Variants in KCNC1 observed in about 807,000 individuals in gnomAD.
The protein encoded by KCNC1 is voltage-gated potassium channel KCNC1.
KCNC1 carries 8 observed loss-of-function variants against 43.4 expected under a neutral mutation model. The observed-to-expected ratio is 0.18, with a 90% confidence interval of 0.11 to 0.33. The LOEUF (loss-of-function observed/expected upper bound fraction) is 0.33, where lower values mean the gene tolerates loss of function less well. Ranked by LOEUF, KCNC1 falls within the 10% of genes least tolerant of loss-of-function variation. The pLI is 1.00. For missense variants in KCNC1, 420 were observed against 836.0 expected (o/e 0.50, Z 6.14); for synonymous variants, 361 against 360.5 (o/e 1.00, Z -0.01).
At chr11:17,761,649 T>G (rs1849080078) in intron 1 of KCNC1, among the ~76,000 whole-genome samples, 1 of 152,202 alleles carries the variant, frequency 6.6e-6, no homozygotes, top group African/African-American at 2.4e-5. Flanking sequence ...CCTCCTTTCC[T>G]TCCACCATGT....
Position 17,736,137 on chromosome 11 carries a change from C to A in KCNC1, c.135C>A (p.His45Gln). ...AWLAEPDAHS[H>Q]FDYDPRADEF... The stretch of plus-strand genomic sequence containing the variant: ...TGGCGGAGCCCGACGCCCACAGCCA[C>A]TTCGACTATGACCCGCGTGCTGACG... Residue 45 changes from histidine to glutamine, a missense_variant, in exon 1 of 4, where the codon CAC becomes CAA. His to Gln is a conservative substitution (Grantham distance 24, BLOSUM62 0). Transcript: ENST00000265969. This position sits in a 1 kb window ranked among gnomAD's most constrained non-coding sequence, Gnocchi z 9.3. 6.2e-7 allele frequency: 1 copy of A among 1,612,944 alleles called. No individual in the cohort carries two copies. The highest frequency in any genetic ancestry group is 8.5e-7 in the Non-Finnish European group (1 of 1,179,542).
At chr11:17,748,634 C>T (rs772394370) in intron 1 of KCNC1, among the ~76,000 whole-genome samples, 42 of 152,224 alleles carry the variant, frequency 2.8e-4, no homozygotes, top group Non-Finnish European at 2.9e-4. Flanking sequence ...AAAATCCACC[C>T]CTAAATCATG....
intron 1 of KCNC1, among the ~76,000 whole-genome samples, chr11:17,756,352 C>T (rs537496024): frequency 1.8e-4 from 27 of 152,184 alleles, no homozygotes; most frequent in African/African-American, 5.1e-4. Context: ...TCCTACTCCT[C>T]CCCCAAGAAG....
intron 1 of KCNC1, among the ~76,000 whole-genome samples, chr11:17,768,088 G>A (rs565580766): frequency 1.3e-5 from 2 of 152,244 alleles, no homozygotes; most frequent in Non-Finnish European, 2.9e-5. Context: ...GCCTCCCCAT[G>A]CACTAAAGAG....
At chr11:17,774,642 GC>G in intron 2 of KCNC1, 1 of 985,550 alleles carries the variant, frequency 1.0e-6, no homozygotes, top group Non-Finnish European at 1.2e-6. Context: ...TCTCTCCCCA[GC>G]CCTGCTTTTG....
chr11:17,776,966 T>A lies in KCNC1; in HGVS notation c.1505-2490T>A, dbSNP rs1466997107. The A allele has an allele frequency of 2.0e-6, 2 of 985,234 alleles. No homozygotes were observed. Among genetic ancestry groups the A allele is most frequent in the Non-Finnish European group, 2.4e-6 (2 of 829,972 alleles). The allele number at this position is 985,234 out of a possible 1,614,324, so 61.0% of individuals were successfully genotyped here. A position where few individuals can be genotyped will look rare whatever the true frequency, so the allele number is the denominator to read the frequency against. On this transcript the variant is annotated intron_variant, in intron 2 of 3. Transcript: ENST00000265969. This position sits in a 1 kb window ranked among gnomAD's most constrained non-coding sequence, Gnocchi z 4.4. Reference sequence around the variant, plus strand: ...TCCCCACCCAATCATTAGTCCCTCCTCAAAGGTTAGGGTTGAGAGAAGCAG... The same window carrying A: ...TCCCCACCCAATCATTAGTCCCTCCACAAAGGTTAGGGTTGAGAGAAGCAG...
In KCNC1 at chr11:17,781,572, G is replaced by A. The variant is rs1849347107; in HGVS notation, c.1694-98G>A. 3 of 863,842 alleles carry A rather than the reference G, an allele frequency of 3.5e-6. No individual in the cohort carries two copies. The highest frequency in any genetic ancestry group is 2.2e-4 in the Middle Eastern group (1 of 4,574). 53.5% of individuals were successfully genotyped at this position (863,842 alleles called of 1,614,324 possible). A position where few individuals can be genotyped will look rare whatever the true frequency, so the allele number is the denominator to read the frequency against. ...AATCTGCCTGCCTCTGCATGCGGCTGTTCTGTCTTTCCTCCTCCTTCTTAA... is the reference window on the plus strand; with the variant it reads ...AATCTGCCTGCCTCTGCATGCGGCTATTCTGTCTTTCCTCCTCCTTCTTAA... On this transcript the variant is annotated intron_variant, in intron 3 of 3. Coordinates refer to ENST00000265969, the MANE Select transcript of KCNC1 (RefSeq NM_001112741.2). This position sits in a 1 kb window ranked among gnomAD's most constrained non-coding sequence, Gnocchi z 5.1.
intron 1 of KCNC1, among the ~76,000 whole-genome samples, chr11:17,740,123 A>G (rs1170994025): frequency 6.6e-6 from 1 of 152,172 alleles, no homozygotes; most frequent in African/African-American, 2.4e-5. Context: ...TAGGGGCTAC[A>G]TAGTCGGGGC....
At chr11:17,772,688 G>T (rs1035284200) in intron 2 of KCNC1, 90 bp downstream of exon 2, 163 of 1,544,678 alleles carry the variant, frequency 1.1e-4, no homozygotes, top group Non-Finnish European at 1.3e-4. Context: ...TGCTTCCTTA[G>T]TTCCGTGGGT....
rs1222383839 is a variant in KCNC1 at position 17,763,154 on chromosome 11, G to A, written c.571-8511G>A. Among the ~76,000 whole-genome samples the A allele has an allele frequency of 3.3e-5, 5 of 152,076 alleles. No individual in the cohort carries two copies. In the East Asian group the frequency reaches 5.8e-4, roughly 18 times the overall value. ...GAGGTGAGCCGTTGTCTCTTTGGAC[G>A]TCTGCGCCGGGACGCTGCCTTTTCT... On this transcript the variant is annotated intron_variant, in intron 1 of 3. Transcript: ENST00000265969.
In KCNC1 at chr11:17,735,146, G is replaced by C. The variant is rs1289816523; in HGVS notation, c.-857G>C. 3 of 152,160 alleles carry C rather than the reference G, an allele frequency of 2.0e-5. No individual in the cohort carries two copies. The highest frequency in any genetic ancestry group is 4.4e-5 in the Non-Finnish European group (3 of 68,108). The allele number at this position is 152,160 out of a possible 1,614,324, so 9.4% of individuals were successfully genotyped here. On this transcript the variant is annotated 5_prime_UTR_variant, in exon 1 of 4. Coordinates refer to ENST00000265969, the MANE Select transcript of KCNC1 (RefSeq NM_001112741.2). This position sits in a 1 kb window ranked among gnomAD's most constrained non-coding sequence, Gnocchi z 6.7. ...AGCACCGCCGCGGGAGCCCAAGTCCGAGCGCAGCCCAGCGGAACCCCAGCT... is the reference window on the plus strand; with the variant it reads ...AGCACCGCCGCGGGAGCCCAAGTCCCAGCGCAGCCCAGCGGAACCCCAGCT...
chr11:17,757,545 A>G (rs531810734), intron 1 of KCNC1, among the ~76,000 whole-genome samples: 53 of 152,370 alleles, frequency 3.5e-4, no homozygotes, highest in African/African-American at 1.3e-3. Context: ...GTGGTGACCA[A>G]CACAGACATC....
chr11:17,744,021 C>G (rs541454295), intron 1 of KCNC1, among the ~76,000 whole-genome samples: 54 of 152,142 alleles, frequency 3.5e-4, no homozygotes, highest in African/African-American at 1.2e-3. Context: ...AGACCAGCCC[C>G]GGTGTGTGGA....
At position 17,742,150 on chromosome 11, in the gene KCNC1, G is replaced by A. The variant is rs1590091974; in HGVS notation, c.570+5578G>A. 6.6e-6 allele frequency among the ~76,000 whole-genome samples: 1 copy of A among 152,218 alleles called. No individual in the cohort carries two copies. Among genetic ancestry groups the A allele is most frequent in the East Asian group, 1.9e-4 (1 of 5,198 alleles). ...GGCCCCTCGTGAGCGGGTTAGCTGA[G>A]GGCTGGCTGGGAAACTCGTATCTCC... is the stretch of plus-strand genomic sequence containing the variant. On this transcript the variant is annotated intron_variant, in intron 1 of 3. Transcript: ENST00000265969. The surrounding 1 kb of genome is among the most constrained non-coding windows in gnomAD (Gnocchi z 4.2).
At position 17,779,930 on chromosome 11, in the gene KCNC1, T is replaced by C. The variant is rs1398248724; in HGVS notation, c.1693+286T>C. ...TTAGGCCATGACCCCAAGGCAGGGG[T>C]ACCCAGGAATGCAGGAGGAGCCTTG... On this transcript the variant is annotated intron_variant, in intron 3 of 3. Transcript: ENST00000265969. The surrounding 1 kb of genome is among the most constrained non-coding windows in gnomAD (Gnocchi z 7.2). The C allele has an allele frequency of 7.5e-6, 2 of 268,022 alleles. No individual in the cohort carries two copies. The highest frequency in any genetic ancestry group is 1.2e-4 in the South Asian group (1 of 8,254). The allele number at this position is 268,022 out of a possible 1,614,324, so 16.6% of individuals were successfully genotyped here.
At chr11:17,748,098 G>T (rs1221553423) in intron 1 of KCNC1, among the ~76,000 whole-genome samples, 1 of 152,206 alleles carries the variant, frequency 6.6e-6, no homozygotes. Flanking sequence ...AAAAATCCCT[G>T]CCCTCAAGTT....
intron 1 of KCNC1, among the ~76,000 whole-genome samples, chr11:17,746,759 G>C (rs971358986): frequency 1.3e-5 from 2 of 152,056 alleles, no homozygotes; most frequent in African/African-American, 2.4e-5. Flanking sequence ...CACGATTTTG[G>C]GAATATGACC....
rs181216852 is a variant in KCNC1, at chr11:17,752,193, C to G, written c.570+15621C>G. On this transcript the variant is annotated intron_variant, in intron 1 of 3. Coordinates refer to ENST00000265969, the MANE Select transcript of KCNC1 (RefSeq NM_001112741.2). ...AGCCTGGATGCTTAGATGCTTCTGG[C>G]CTGGAGCAGATTCTTCCAGCTGGAG... 2.0e-3 allele frequency among the ~76,000 whole-genome samples: 309 copies of G among 152,278 alleles called. 4 individuals are homozygous for G. The Middle Eastern group carries it at 0.048, about 23-fold the overall frequency.
intron 1 of KCNC1, among the ~76,000 whole-genome samples, chr11:17,762,535 T>A (rs1849089929): frequency 6.6e-6 from 1 of 152,194 alleles, no homozygotes; most frequent in African/African-American, 2.4e-5. Context: ...GAGTCAGGCC[T>A]GAAAAGCAGG....
Sources: gnomAD v4.1 joint callset for allele counts (sites outside exome capture counted in the v4.1 genomes callset) on GRCh38, gnomAD v4.1.1 for gene constraint, Gnocchi (gnomAD v3.1) non-coding constraint, MANE v1.5 for transcripts, NCBI Gene and HGNC (gene_info 2026-07-23, HGNC 2026-07-21) for gene names.